The following RBM25 variants were observed in gnomAD, a reference collection of about 807,000 sequenced individuals.
The protein encoded by RBM25 is RNA binding motif protein 25.
A neutral mutation model predicts 120.7 loss-of-function variants in RBM25; 19 were observed. The observed-to-expected ratio is 0.16, with a 90% CI of 0.11 to 0.23. The LOEUF is 0.23. RBM25 is among the 10% of genes least tolerant of loss of function. RBM25 has a pLI of 1.00. For synonymous variants in RBM25, 390 were observed against 326.7 expected, an observed-to-expected ratio of 1.19 and a Z score of -2.09; for missense variants, 605 against 1,041.5, an observed-to-expected ratio of 0.58 and a Z score of 5.77.
At chr14:73,071,005 G>A (rs1895275115) in intron 1 of RBM25, among the ~76,000 whole-genome samples, 1 of 149,592 alleles carries the variant, frequency 6.7e-6, no homozygotes. Flanking sequence ...ACTTTGGGAG[G>A]CCGAGGAGGG....
intron 17 of RBM25, among the ~76,000 whole-genome samples, chr14:73,113,272 A>G (rs1478665778): frequency 6.6e-6 from 1 of 151,942 alleles, no homozygotes; most frequent in Admixed American, 6.5e-5. Context: ...TTTTTAGTGG[A>G]GATGGGGTTT....
At chr14:73,109,306 G>A in intron 13 of RBM25, 36 bp from the exon 14 acceptor site, 1 of 1,594,962 alleles carries the variant, frequency 6.3e-7, no homozygotes, top group Middle Eastern at 1.7e-4. Context: ...AATGATCGGA[G>A]TATTAAATGA....
chr14:73,078,529 C>T (rs1310923543), intron 4 of RBM25, among the ~76,000 whole-genome samples: 1 of 152,020 alleles, frequency 6.6e-6, no homozygotes, highest in Non-Finnish European at 1.5e-5. Flanking sequence ...AACTAATGCA[C>T]ATGTAGTTCA....
intron 1 of RBM25, among the ~76,000 whole-genome samples, chr14:73,061,079 A>G (rs1894993788): frequency 7.0e-6 from 1 of 143,418 alleles, no homozygotes; most frequent in African/African-American, 2.6e-5. Context: ...CTTTTTGGAG[A>G]TGGAGTCTCG....
chr14:73,065,694 A>G (rs935548294), intron 1 of RBM25, among the ~76,000 whole-genome samples: 6 of 152,026 alleles, frequency 3.9e-5, no homozygotes, highest in Non-Finnish European at 7.3e-5. Flanking sequence ...CTGGGATTAC[A>G]GGCATGAGCC....
chr14:73,087,917 G>T (rs544242354), intron 5 of RBM25, 84 bp from the exon 6 acceptor site: 1 of 1,340,572 alleles, frequency 7.5e-7, no homozygotes, highest in South Asian at 1.4e-5. Flanking sequence ...AAAACATTTG[G>T]ACTCTAGTGA....
chr14:73,087,315 T>G (rs1051863558), intron 5 of RBM25, among the ~76,000 whole-genome samples: 1 of 149,320 alleles, frequency 6.7e-6, no homozygotes, highest in Non-Finnish European at 1.5e-5. Flanking sequence ...AAGTGCATTG[T>G]TTGTGTTCCT....
At chr14:73,060,941 G>T (rs554547746) in intron 1 of RBM25, among the ~76,000 whole-genome samples, 9 of 151,058 alleles carry the variant, frequency 6.0e-5, no homozygotes, top group Admixed American at 5.9e-4. Context: ...TAAAAATTAG[G>T]ACTAGTCTTA....
intron 9 of RBM25, chr14:73,100,508 G>T (rs1288932869): frequency 4.3e-6 from 2 of 467,664 alleles, no homozygotes; most frequent in Non-Finnish European, 7.7e-6. Flanking sequence ...CTCAATGACA[G>T]TGCATCTGTG....
At chr14:73,110,074 G>T (rs963968432) in intron 14 of RBM25, among the ~76,000 whole-genome samples, 3 of 151,448 alleles carry the variant, frequency 2.0e-5, no homozygotes, top group Non-Finnish European at 4.4e-5. Context: ...TAGTGGCGAC[G>T]GGGTTTTACC....
At chr14:73,073,217 C>T (rs1477480285) in intron 2 of RBM25, among the ~76,000 whole-genome samples, 1 of 152,142 alleles carries the variant, frequency 6.6e-6, no homozygotes, top group Non-Finnish European at 1.5e-5. Flanking sequence ...ATGTGAGCCC[C>T]TGCACCTGAC....
At position 73,105,895 on chromosome 14, in the gene RBM25, G is replaced by T. The variant is rs556945481; in HGVS notation, c.1191G>T (p.Arg397=). The change falls in exon 11 of 19, where the codon CGG becomes CGT. Residue 397 remains arginine (R), a synonymous_variant. Coordinates refer to ENST00000261973, the MANE Select transcript of RBM25 (RefSeq NM_021239.3). ...KSRDRERERE[R]ERERERERER... is the part of the protein sequence containing the mutation. ...GAGATCGTGAAAGGGAACGAGAGCG[G>T]GAAAGAGAGAGAGAGAGAGAACGAG... is the stretch of plus-strand genomic sequence containing the variant. The T allele has an allele frequency of 1.5e-4, 245 of 1,612,392 alleles. 3 individuals carry two copies. In the South Asian group the frequency reaches 2.4e-3, roughly 16 times the overall value.
At position 73,071,616 on chromosome 14, in the gene RBM25, T is replaced by A. The variant is rs369761640; in HGVS notation, c.-15-11T>A. The A allele has an allele frequency of 1.3e-6, 2 of 1,555,770 alleles. No individual in the cohort carries two copies. Among genetic ancestry groups the A allele is most frequent in the African/African-American group, 2.7e-5 (2 of 73,580 alleles). On this transcript the variant is annotated splice_polypyrimidine_tract_variant and intron_variant, in intron 1 of 18. Transcript: ENST00000261973. ...CAAATAAAATGATTTGTCATGTCCT[T>A]TTTTCTTTAGACTGCTGCAGTAAGA...
intron 6 of RBM25, among the ~76,000 whole-genome samples, chr14:73,091,941 A>G (rs1265641379): frequency 6.6e-6 from 1 of 152,070 alleles, no homozygotes; most frequent in East Asian, 1.9e-4. Context: ...TAAAAAATTA[A>G]AACAATTGAC....
intron 10 of RBM25, 79 bp from the exon 11 acceptor site, chr14:73,105,780 T>C (rs1896173057): frequency 6.4e-7 from 1 of 1,551,774 alleles, no homozygotes; most frequent in Non-Finnish European, 8.7e-7. Flanking sequence ...TATTTCATAA[T>C]GTATGTTGTC....
intron 17 of RBM25, among the ~76,000 whole-genome samples, chr14:73,112,701 T>A (rs939218871): frequency 1.5e-4 from 23 of 152,218 alleles, no homozygotes; most frequent in Admixed American, 1.3e-3. Flanking sequence ...ATAGTTCCTT[T>A]CATATCGTAG....
chr14:73,096,003 A>C (rs1895934408), intron 6 of RBM25, among the ~76,000 whole-genome samples: 3 of 152,094 alleles, frequency 2.0e-5, no homozygotes, highest in Admixed American at 2.0e-4. Context: ...ATTGAGATGG[A>C]GTTTCGCTCT....
At chr14:73,097,207 T>TTTTTTTTTTTTTTTTTTTTTTA (rs1895965422) in intron 7 of RBM25, 107 bp downstream of exon 7, 1 of 772,344 alleles carries the variant, frequency 1.3e-6, no homozygotes, top group African/African-American at 2.2e-5. Context: ...TTTTTTTTTT[T>TTTTTTTTTTTTTTTTTTTTTTA]TTTTTTTTTT....
Position 73,111,575 on chromosome 14 carries a change from C to G in RBM25, c.2065C>G (p.Leu689Val). 6.2e-7 allele frequency: 1 copy of G among 1,613,152 alleles called. No individual in the cohort carries two copies. Residue 689 changes from leucine (L) to valine (V), a missense_variant, in exon 16 of 19, where the codon CTA (leucine) becomes GTA (valine). Transcript: ENST00000261973. ...GCCTAATTCTGTGAAGAGAAAGAAA[C>G]TACCTGTAGATAGTGTCTTTAACAA... ...GQPNSVKRKK[L>V]PVDSVFNKFE...
Sources: allele counts gnomAD v4.1 joint callset (sites outside exome capture counted in the v4.1 genomes callset), GRCh38; gene constraint gnomAD v4.1.1; transcripts MANE v1.5; gene names NCBI Gene and HGNC (gene_info 2026-07-23, HGNC 2026-07-21).